CDK5RAP1: variants seen among roughly 807,000 people sequenced by gnomAD.
CDK5RAP1 encodes mitochondrial tRNA methylthiotransferase CDK5RAP1.
Under a neutral mutation model 64.5 loss-of-function variants are expected in CDK5RAP1, and 62 were observed. That is an observed-to-expected ratio of 0.96 (90% confidence interval 0.78 to 1.19). The LOEUF is 1.19. Among genes scored for constraint, CDK5RAP1 ranks in the 50% most tolerant of loss-of-function variants. The pLI, the probability that CDK5RAP1 is intolerant of heterozygous loss-of-function variation, is 0.00. For synonymous variants in CDK5RAP1, 250 were observed against 261.9 expected, an observed-to-expected ratio of 0.95 and a Z score of 0.44; for missense variants, 657 against 735.0, an observed-to-expected ratio of 0.89 and a Z score of 1.23.
chr20:33,385,577 C>T (rs767746138), intron 7 of CDK5RAP1, 73 bp downstream of exon 7: 1 of 1,569,352 alleles, frequency 6.4e-7, no homozygotes, highest in Non-Finnish European at 8.7e-7. Context: ...ACAGCATAGG[C>T]TCAAAACTAC....
At chr20:33,364,188 C>CT (rs11479107) in intron 12 of CDK5RAP1, among the ~76,000 whole-genome samples, 2,028 of 135,454 alleles carry the variant, frequency 0.015, 64 homozygotes, top group African/African-American at 0.04. Flanking sequence ...GAAGAAATAG[C>CT]TTTTTTTTTT....
At chr20:33,400,396 A>G (rs291695) in intron 1 of CDK5RAP1, among the ~76,000 whole-genome samples, 139,215 of 152,274 alleles carry the variant, frequency 0.91, 63,819 homozygotes, top group African/African-American at 0.96. Context: ...TAAAGTGTGA[A>G]CTTTAAAATC....
chr20:33,365,624 A>T lies in CDK5RAP1; in HGVS notation c.1542+1235T>A, dbSNP rs1030730484. 1.6e-4 allele frequency among the ~76,000 whole-genome samples: 20 copies of T among 122,164 alleles called. 1 individual carries two copies. The South Asian group carries it at 4.4e-3, about 27-fold the overall frequency. 80.1% of individuals were successfully genotyped at this position (122,164 alleles called of 152,430 possible). ...AAAAAAAAAAAAAAAAAAAAAAAAAAGGGCAGGGTGATTACAGACTCTGGA... is the reference window on the plus strand; with the variant it reads ...AAAAAAAAAAAAAAAAAAAAAAAAATGGGCAGGGTGATTACAGACTCTGGA... On this transcript the variant is annotated intron_variant, in intron 12 of 13. Coordinates refer to ENST00000346416, the MANE Select transcript of CDK5RAP1 (RefSeq NM_016408.4).
intron 3 of CDK5RAP1, among the ~76,000 whole-genome samples, chr20:33,394,709 C>T (rs972136189): frequency 2.6e-5 from 4 of 152,074 alleles, no homozygotes; most frequent in Non-Finnish European, 5.9e-5. Context: ...TTCATAACTA[C>T]GCATTTTCCA....
chr20:33,389,032 TGCCCG>T (rs955842623), intron 5 of CDK5RAP1, among the ~76,000 whole-genome samples: 4 of 152,192 alleles, frequency 2.6e-5, no homozygotes, highest in African/African-American at 9.6e-5. Flanking sequence ...TTGCAGCCTC[TGCCCG>T]GCCGCCACCC....
intron 10 of CDK5RAP1, among the ~76,000 whole-genome samples, chr20:33,370,977 G>T (rs1181415838): frequency 6.6e-6 from 1 of 152,104 alleles, no homozygotes; most frequent in East Asian, 1.9e-4. Context: ...TTCTGAATTT[G>T]GTTTGATACA....
At chr20:33,389,628 G>C (rs1006732543) in intron 5 of CDK5RAP1, among the ~76,000 whole-genome samples, 15 of 151,826 alleles carry the variant, frequency 9.9e-5, no homozygotes, top group Admixed American at 2.6e-4. Flanking sequence ...TCCAGGAGGT[G>C]GGGGGCGCCT....
Position 33,366,876 on chromosome 20 carries a change from A to C in CDK5RAP1, c.1525T>G (p.Leu509Val), listed in dbSNP as rs201721270. 174 of 1,613,614 alleles carry C rather than the reference A, an allele frequency of 1.1e-4. No homozygotes were observed. In the Admixed American group the frequency reaches 1.2e-3, roughly 11 times the overall value. The change falls in exon 12 of 14, where the codon TTG becomes GTG. Residue 509 changes from leucine to valine, a missense_variant. Leu to Val is a conservative substitution (Grantham distance 32). Coordinates refer to ENST00000346416, the MANE Select transcript of CDK5RAP1 (RefSeq NM_016408.4). ...ANQTSVGCTQ[L>V]VLVEGLSKRS... ...GGCCTCACCCCTTCCACTAGCACCAACTGGGTACAGCCCACAGAGGTCTGA... is the reference window on the plus strand; with the variant it reads ...GGCCTCACCCCTTCCACTAGCACCACCTGGGTACAGCCCACAGAGGTCTGA...
intron 7 of CDK5RAP1, among the ~76,000 whole-genome samples, chr20:33,382,576 G>C (rs1986893451): frequency 6.6e-6 from 1 of 152,204 alleles, no homozygotes; most frequent in Non-Finnish European, 1.5e-5. Context: ...ATTTACTCAG[G>C]AGGCTGAAGC....
intron 7 of CDK5RAP1, chr20:33,383,570 T>C (rs929321617): frequency 6.6e-6 from 1 of 151,764 alleles, no homozygotes; most frequent in Non-Finnish European, 1.5e-5. Context: ...AGAAACCCCG[T>C]CTCTACTTAA....
intron 11 of CDK5RAP1, among the ~76,000 whole-genome samples, chr20:33,367,550 G>A (rs1429233426): frequency 2.0e-5 from 3 of 152,124 alleles, no homozygotes; most frequent in Admixed American, 1.3e-4. Flanking sequence ...AATACATACA[G>A]GCATGCTTAT....
chr20:33,374,196 T>A lies in CDK5RAP1; in HGVS notation c.1124A>T (p.His375Leu). 1 of 1,611,866 alleles carries A rather than the reference T, an allele frequency of 6.2e-7. No individual in the cohort carries two copies. Residue 375 changes from histidine to leucine, a missense_variant, in exon 9 of 14, where the codon CAT becomes CTT. Physicochemically the swap from His to Leu is moderately conservative, Grantham distance 99. Transcript: ENST00000346416. Reference protein sequence around the residue: ...DFPDEVLQLIHERDNICKQIH... With the variant: ...DFPDEVLQLILERDNICKQIH... ...CTGTTTACAGATGTTATCTCTCTCA[T>A]GAATCAGCTGCAGAACCTGATGAAA...
intron 12 of CDK5RAP1, among the ~76,000 whole-genome samples, chr20:33,362,730 A>G (rs1158205742): frequency 6.6e-6 from 1 of 152,246 alleles, no homozygotes; most frequent in African/African-American, 2.4e-5. Flanking sequence ...CATTACAAGA[A>G]TCTTACATTA....
chr20:33,380,571 G>A lies in CDK5RAP1; in HGVS notation c.877-880C>T, dbSNP rs540579042. Among the ~76,000 whole-genome samples, 3 of 152,234 alleles carry A rather than the reference G, an allele frequency of 2.0e-5. No homozygotes were observed. The South Asian group carries it at 6.2e-4, about 32-fold the overall frequency. ...AAGATACATACTGAAGTATCTAGGG[G>A]CAAGTGTCCTGAGGTCTACAAATTA... On this transcript the variant is annotated intron_variant, in intron 7 of 13. Coordinates refer to ENST00000346416, the MANE Select transcript of CDK5RAP1 (RefSeq NM_016408.4).
chr20:33,377,275 T>G (rs141605079), intron 8 of CDK5RAP1, among the ~76,000 whole-genome samples: 11 of 152,344 alleles, frequency 7.2e-5, no homozygotes, highest in African/African-American at 2.6e-4. Flanking sequence ...AGATGACATC[T>G]TCTTCCAACA....
At chr20:33,372,483 TAAAAG>T (rs967534957) in intron 10 of CDK5RAP1, among the ~76,000 whole-genome samples, 154 bp downstream of exon 10, 2 of 151,566 alleles carry the variant, frequency 1.3e-5, no homozygotes, top group African/African-American at 4.9e-5. Context: ...CAGAAAGACA[TAAAAG>T]AAAGAATACG....
At chr20:33,364,188 C>CTTTTTTTTTTTTTTTTTTTTT in intron 12 of CDK5RAP1, among the ~76,000 whole-genome samples, 1 of 135,508 alleles carries the variant, frequency 7.4e-6, no homozygotes, top group African/African-American at 2.7e-5. Context: ...GAAGAAATAG[C>CTTTTTTTTTTTTTTTTTTTTT]TTTTTTTTTT....
chr20:33,393,179 G>A (rs1988518721), intron 4 of CDK5RAP1, among the ~76,000 whole-genome samples: 1 of 151,966 alleles, frequency 6.6e-6, no homozygotes, highest in Non-Finnish European at 1.5e-5. Flanking sequence ...TGCCTGGCCA[G>A]CAATTTATCT....
rs1568723264 is a variant in CDK5RAP1 at position 33,389,740 on chromosome 20, CGATGGCGG to C, written c.545-2215_545-2208del. 3.8e-4 allele frequency among the ~76,000 whole-genome samples: 58 copies of C among 152,234 alleles called. 1 individual carries two copies. Among genetic ancestry groups the C allele is most frequent in the African/African-American group, 1.2e-3 (51 of 41,542 alleles). ...GCTCATTGAGAACAGACCATGATGACGATGGCGGTTTTGTTGAATAGAAAAGGGGGAAA... is the reference window on the plus strand; with the variant it reads ...GCTCATTGAGAACAGACCATGATGACTTTTGTTGAATAGAAAAGGGGGAAA... On this transcript the variant is annotated intron_variant, in intron 5 of 13. Transcript: ENST00000346416.
Sources: allele counts gnomAD v4.1 joint callset (sites outside exome capture counted in the v4.1 genomes callset), GRCh38; gene constraint gnomAD v4.1.1; transcripts MANE v1.5; gene names NCBI Gene and HGNC (gene_info 2026-07-23, HGNC 2026-07-21).